Variants in ASTN2 observed in about 807,000 individuals in gnomAD.
The protein encoded by ASTN2 is astrotactin-2.
A neutral mutation model predicts 139.8 loss-of-function variants in ASTN2; 54 were observed. That is an observed-to-expected ratio of 0.39 (90% CI 0.31 to 0.48). ASTN2 has a LOEUF of 0.48. Among genes scored for constraint, ASTN2 ranks in the 20% least tolerant of loss-of-function variants. The pLI, the probability that ASTN2 is intolerant of heterozygous loss-of-function variation, is 0.95. For missense variants in ASTN2, 1,565 were observed against 1,725.1 expected, an observed-to-expected ratio of 0.91 and a Z score of 1.64; for synonymous variants, 756 against 719.5, an observed-to-expected ratio of 1.05 and a Z score of -0.81.
At chr9:117,027,164 C>T (rs1838112711) in intron 6 of ASTN2, among the ~76,000 whole-genome samples, 1 of 152,154 alleles carries the variant, frequency 6.6e-6, no homozygotes. Flanking sequence ...GAAATATAAT[C>T]TCATTTGATT....
At chr9:116,584,928 C>A (rs1028470412) in intron 19 of ASTN2, 8 of 152,162 alleles carry the variant, frequency 5.3e-5, no homozygotes, top group Non-Finnish European at 1.0e-4. Context: ...AGAAGAGGTA[C>A]TCCAAGACAA....
At chr9:116,874,675 G>A (rs1220278137) in intron 10 of ASTN2, among the ~76,000 whole-genome samples, 1 of 152,166 alleles carries the variant, frequency 6.6e-6, no homozygotes, top group South Asian at 2.1e-4. Context: ...ATGAGTTTGT[G>A]CATTTCACAG....
In ASTN2 at chr9:116,722,423, C is replaced by T. The variant is rs111555987; in HGVS notation, c.2806+3348G>A. 2.1e-3 allele frequency among the ~76,000 whole-genome samples: 326 copies of T among 152,320 alleles called. 2 individuals carry two copies. Among genetic ancestry groups the T allele is most frequent in the African/African-American group, 7.5e-3 (310 of 41,578 alleles). On this transcript the variant is annotated intron_variant, in intron 16 of 22. Coordinates refer to ENST00000313400, the MANE Select transcript of ASTN2 (RefSeq NM_001365068.1). ...AATCAGGCACATTCACCCCATCTCC[C>T]TTGGCTTTCCAGTAATTTCCAGTGG...
At chr9:116,792,583 G>C (rs964072249) in intron 13 of ASTN2, among the ~76,000 whole-genome samples, 36 of 152,208 alleles carry the variant, frequency 2.4e-4, no homozygotes, top group African/African-American at 8.4e-4. Flanking sequence ...AGATAGCAGA[G>C]CGGATGAACA....
intron 7 of ASTN2, among the ~76,000 whole-genome samples, chr9:116,996,088 ACTCAAGTTCACTTGAT>A (rs774779557): frequency 1.1e-4 from 17 of 151,834 alleles, no homozygotes; most frequent in Admixed American, 5.3e-4. Context: ...CCCACCTTGA[ACTCAAGTTCACTTGAT>A]CTCAAGTTCA....
At chr9:117,134,833 C>T (rs963866829) in intron 4 of ASTN2, among the ~76,000 whole-genome samples, 2 of 152,100 alleles carry the variant, frequency 1.3e-5, no homozygotes, top group Non-Finnish European at 2.9e-5. Context: ...ATCTAGTTGG[C>T]ATATACCACA....
intron 6 of ASTN2, among the ~76,000 whole-genome samples, chr9:117,013,275 GT>G (rs1219407455): frequency 2.6e-5 from 4 of 152,012 alleles, no homozygotes; most frequent in African/African-American, 9.7e-5. Flanking sequence ...TATTCCATGT[GT>G]CTCATGTTTT....
At chr9:117,358,962 A>G (rs904372966) in intron 1 of ASTN2, among the ~76,000 whole-genome samples, 1 of 152,134 alleles carries the variant, frequency 6.6e-6, no homozygotes, top group Non-Finnish European at 1.5e-5. Context: ...GATCTCCAAC[A>G]TCGGTGAATG....
chr9:117,261,792 G>A lies in ASTN2; in HGVS notation c.630+29534C>T, dbSNP rs558172185. Among the ~76,000 whole-genome samples, 27 of 152,200 alleles carry A rather than the reference G, an allele frequency of 1.8e-4. 1 individual carries two copies. In the Middle Eastern group the frequency reaches 0.014, roughly 77 times the overall value. On this transcript the variant is annotated intron_variant, in intron 2 of 22. Coordinates refer to ENST00000313400, the MANE Select transcript of ASTN2 (RefSeq NM_001365068.1). ...AATTTCAGCTAGCAGCAGGCAAGGA[G>A]GGGAAATATTCAGTTATGAGCAGTC...
intron 19 of ASTN2, among the ~76,000 whole-genome samples, chr9:116,497,639 G>A (rs1479737403): frequency 6.6e-6 from 1 of 152,146 alleles, no homozygotes; most frequent in Non-Finnish European, 1.5e-5. Context: ...CCCACTGTCT[G>A]GAGGACAAAT....
intron 3 of ASTN2, among the ~76,000 whole-genome samples, chr9:117,199,963 C>T (rs1831648133): frequency 6.6e-6 from 1 of 151,922 alleles, no homozygotes; most frequent in African/African-American, 2.4e-5. Flanking sequence ...TAAAGGAATG[C>T]TTGTGATTTT....
intron 1 of ASTN2, among the ~76,000 whole-genome samples, chr9:117,383,184 C>G (rs1255289648): frequency 1.3e-5 from 2 of 152,122 alleles, no homozygotes; most frequent in Non-Finnish European, 2.9e-5. Context: ...TCTTTCTAAC[C>G]ATTTACAAAT....
chr9:116,914,089 G>C (rs781288569), intron 10 of ASTN2, among the ~76,000 whole-genome samples: 17 of 150,706 alleles, frequency 1.1e-4, no homozygotes, highest in Non-Finnish European at 2.2e-4. Flanking sequence ...GTAATAGTAA[G>C]TAGAGAAGCT....
intron 10 of ASTN2, among the ~76,000 whole-genome samples, chr9:116,880,980 T>C (rs1833437534): frequency 6.6e-6 from 1 of 152,148 alleles, no homozygotes; most frequent in South Asian, 2.1e-4. Context: ...AGCGATGACT[T>C]TTCCTGGGCT....
chr9:116,854,898 T>C (rs373749934), intron 11 of ASTN2, among the ~76,000 whole-genome samples: 111 of 151,968 alleles, frequency 7.3e-4, no homozygotes, highest in South Asian at 5.6e-3. Flanking sequence ...GTGATCCGCC[T>C]ACCTCGGCCT....
At chr9:116,680,237 T>C (rs1417000543) in intron 16 of ASTN2, among the ~76,000 whole-genome samples, 5 of 152,188 alleles carry the variant, frequency 3.3e-5, no homozygotes, top group African/African-American at 1.2e-4. Context: ...CAGAGAATAC[T>C]ACAAACACCT....
intron 3 of ASTN2, among the ~76,000 whole-genome samples, chr9:117,146,543 A>G (rs1371723909): frequency 6.6e-6 from 1 of 151,994 alleles, no homozygotes; most frequent in Non-Finnish European, 1.5e-5. Flanking sequence ...AAGACAAGAA[A>G]GAGGGGGTCT....
intron 6 of ASTN2, among the ~76,000 whole-genome samples, chr9:117,031,941 C>A (rs181359859): frequency 1.3e-5 from 2 of 151,966 alleles, no homozygotes; most frequent in Non-Finnish European, 2.9e-5. Context: ...TACATGTATG[C>A]GATGTTTTGA....
intron 1 of ASTN2, among the ~76,000 whole-genome samples, chr9:117,408,147 A>AT (rs35658539): frequency 0.22 from 31,585 of 142,420 alleles, 3,552 homozygotes; most frequent in Admixed American, 0.35. Context: ...TTCCTTGTAG[A>AT]TTTTTTTTTT....
Sources: allele counts gnomAD v4.1 joint callset (sites outside exome capture counted in the v4.1 genomes callset), GRCh38; gene constraint gnomAD v4.1.1; transcripts MANE v1.5; gene names NCBI Gene and HGNC (gene_info 2026-07-23, HGNC 2026-07-21).